RIPOR2: variants seen among roughly 807,000 people sequenced by gnomAD.
The protein encoded by RIPOR2 is rho family-interacting cell polarization regulator 2.
A neutral mutation model predicts 114.5 loss-of-function variants in RIPOR2; 39 were observed. That is an observed-to-expected ratio of 0.34 (90% CI 0.26 to 0.44). RIPOR2 has a LOEUF of 0.44. RIPOR2 is among the 20% of genes least tolerant of loss of function. RIPOR2 has a pLI of 1.00. For missense variants in RIPOR2, 1,007 were observed against 1,255.1 expected, an observed-to-expected ratio of 0.80 and a Z score of 2.99; for synonymous variants, 445 against 484.4, an observed-to-expected ratio of 0.92 and a Z score of 1.07.
At chr6:24,921,061 G>A (rs1770441774) in intron 1 of RIPOR2, among the ~76,000 whole-genome samples, 1 of 152,094 alleles carries the variant, frequency 6.6e-6, no homozygotes, top group South Asian at 2.1e-4. Context: ...GCTCAACACT[G>A]GCCAATGGCT....
chr6:24,994,479 T>C (rs1428965218), intron 1 of RIPOR2, among the ~76,000 whole-genome samples: 3 of 152,156 alleles, frequency 2.0e-5, no homozygotes, highest in Non-Finnish European at 2.9e-5. Flanking sequence ...GCAGGTAAAG[T>C]GGTGCTGAAA....
In RIPOR2 at chr6:24,858,811, C is replaced by T. The variant is rs555015487; in HGVS notation, c.715+2162G>A. Among the ~76,000 whole-genome samples, 11 of 152,222 alleles carry T rather than the reference C, an allele frequency of 7.2e-5. No individual in the cohort carries two copies. Among genetic ancestry groups the T allele is most frequent in the Admixed American group, 3.9e-4 (6 of 15,292 alleles). On this transcript the variant is annotated intron_variant, in intron 8 of 21. Coordinates refer to ENST00000643898, the MANE Select transcript of RIPOR2 (RefSeq NM_001286445.3). The surrounding 1 kb of genome is among the most constrained non-coding windows in gnomAD (Gnocchi z 4.0). Reference sequence around the variant, plus strand: ...CAAGTTCATCAGTCCATCAGGGCTGCGATGTAGCGGGGTGGCCAGGTCCCC... The same window carrying T: ...CAAGTTCATCAGTCCATCAGGGCTGTGATGTAGCGGGGTGGCCAGGTCCCC...
intron 18 of RIPOR2, among the ~76,000 whole-genome samples, chr6:24,826,723 C>T (rs1760220630): frequency 6.6e-6 from 1 of 152,032 alleles, no homozygotes; most frequent in Non-Finnish European, 1.5e-5. Context: ...TAATCTAATA[C>T]AAATGCTTTC....
intron 1 of RIPOR2, among the ~76,000 whole-genome samples, chr6:25,021,889 A>G (rs1323622874): frequency 6.6e-6 from 1 of 152,264 alleles, no homozygotes; most frequent in East Asian, 1.9e-4. Flanking sequence ...AGTCTGAGTC[A>G]GTGAGAGACC....
intron 2 of RIPOR2, among the ~76,000 whole-genome samples, chr6:24,874,033 T>C (rs1408027699): frequency 1.3e-5 from 2 of 151,452 alleles, no homozygotes; most frequent in African/African-American, 4.9e-5. Flanking sequence ...AGCTAAATAG[T>C]TTGTTGTTGT....
chr6:25,025,320 T>C (rs6929348), intron 1 of RIPOR2, among the ~76,000 whole-genome samples: 31,771 of 151,938 alleles, frequency 0.21, 4,055 homozygotes, highest in East Asian at 0.59. Context: ...CTAATAAGTG[T>C]CTGTGGTGTT....
At position 24,806,317 on chromosome 6, in the gene RIPOR2, C is replaced by T. The variant is rs1413641332; in HGVS notation, c.*56G>A. On this transcript the variant is annotated 3_prime_UTR_variant, in exon 22 of 22. Coordinates refer to ENST00000643898, the MANE Select transcript of RIPOR2 (RefSeq NM_001286445.3). ...ACAATTTCCAGCCCAAACCACAGCA[C>T]CATCCTGATGAAAAGGGCCAGATAT... The T allele has an allele frequency of 2.9e-5, 36 of 1,224,234 alleles. No homozygotes were observed. Among genetic ancestry groups the T allele is most frequent in the Non-Finnish European group, 4.2e-5 (36 of 850,010 alleles). The allele number at this position is 1,224,234 out of a possible 1,614,324, so 75.8% of individuals were successfully genotyped here. A position where few individuals can be genotyped will look rare whatever the true frequency, so the allele number is the denominator to read the frequency against.
intron 1 of RIPOR2, chr6:25,031,310 TGATAAG>T (rs1275037389): frequency 6.6e-6 from 1 of 151,926 alleles, no homozygotes; most frequent in Non-Finnish European, 1.5e-5. Flanking sequence ...AAAGCCAAAA[TGATAAG>T]GACAGAAAAC....
intron 1 of RIPOR2, among the ~76,000 whole-genome samples, chr6:24,964,626 G>A (rs1333902359): frequency 6.6e-6 from 1 of 152,200 alleles, no homozygotes. Context: ...TTGTGTGGAT[G>A]TAAATGTTAA....
chr6:24,903,024 T>C (rs528275329), intron 1 of RIPOR2, among the ~76,000 whole-genome samples: 2 of 152,318 alleles, frequency 1.3e-5, no homozygotes, highest in East Asian at 1.9e-4. Flanking sequence ...GAGTCAGGAA[T>C]TGGGAAGGCC....
intron 1 of RIPOR2, among the ~76,000 whole-genome samples, chr6:24,994,889 T>C (rs1383762666): frequency 6.6e-6 from 1 of 152,218 alleles, no homozygotes; most frequent in Non-Finnish European, 1.5e-5. Context: ...CTTGGATGTA[T>C]TGATTCACAG....
intron 1 of RIPOR2, among the ~76,000 whole-genome samples, chr6:24,943,197 T>C (rs1289039631): frequency 6.6e-6 from 1 of 152,190 alleles, no homozygotes; most frequent in Non-Finnish European, 1.5e-5. Context: ...TGTAGGGACA[T>C]GGATGAAGCT....
intron 1 of RIPOR2, among the ~76,000 whole-genome samples, chr6:24,956,479 TA>T (rs557806453): frequency 4.3e-4 from 65 of 152,340 alleles, no homozygotes; most frequent in African/African-American, 1.5e-3. Context: ...AATTTTTATA[TA>T]AATTTAATAA....
At chr6:24,809,306 T>C (rs1780982565) in intron 21 of RIPOR2, among the ~76,000 whole-genome samples, 3 of 152,314 alleles carry the variant, frequency 2.0e-5, no homozygotes, top group Middle Eastern at 3.4e-3. Context: ...CTGAGATACC[T>C]GGGGATTTAC....
intron 1 of RIPOR2, among the ~76,000 whole-genome samples, chr6:24,905,324 A>G (rs1382598826): frequency 2.0e-5 from 3 of 152,112 alleles, no homozygotes; most frequent in Non-Finnish European, 4.4e-5. Context: ...GTGGGTGTCC[A>G]TCACCTCAGC....
At chr6:24,869,184 T>G (rs1048047338) in intron 5 of RIPOR2, 37 bp from the exon 6 acceptor site, 2 of 1,082,040 alleles carry the variant, frequency 1.8e-6, no homozygotes, top group African/African-American at 3.2e-5. Flanking sequence ...TACAGTCATT[T>G]ATAGTTCAAT....
chr6:24,818,173 G>C (rs1449914294), intron 20 of RIPOR2, among the ~76,000 whole-genome samples: 2 of 151,936 alleles, frequency 1.3e-5, no homozygotes, highest in African/African-American at 2.4e-5. Context: ...ATGTTGGCCA[G>C]GTTGATCTCA....
intron 1 of RIPOR2, among the ~76,000 whole-genome samples, chr6:24,901,680 G>A (rs1269995188): frequency 6.6e-6 from 1 of 152,134 alleles, no homozygotes; most frequent in Non-Finnish European, 1.5e-5. Context: ...ACCTCAAATA[G>A]GCCATAGTTT....
At chr6:25,031,622 T>C (rs1308355389) in intron 1 of RIPOR2, among the ~76,000 whole-genome samples, 1 of 145,990 alleles carries the variant, frequency 6.8e-6, no homozygotes, top group African/African-American at 2.5e-5. Context: ...TGCAATTTAT[T>C]TTTAAAGCAT....
Sources: gnomAD v4.1 joint callset for allele counts (sites outside exome capture counted in the v4.1 genomes callset) on GRCh38, gnomAD v4.1.1 for gene constraint, Gnocchi (gnomAD v3.1) non-coding constraint, MANE v1.5 for transcripts, NCBI Gene and HGNC (gene_info 2026-07-23, HGNC 2026-07-21) for gene names.